Variants in ADGRG6 observed in about 807,000 individuals in gnomAD.
ADGRG6 encodes G-protein coupled receptor 126.
Under a neutral mutation model 142.4 loss-of-function variants are expected in ADGRG6, and 84 were observed. The ratio of observed to expected loss-of-function variants is 0.59; its 90% CI spans 0.49 to 0.71. The LOEUF is 0.71. Among genes scored for constraint, ADGRG6 ranks in the 30% least tolerant of loss-of-function variants. ADGRG6 has a pLI of 0.00. For synonymous variants in ADGRG6, 521 were observed against 520.5 expected (o/e 1.00, Z -0.01); for missense variants, 1,367 against 1,466.6 (o/e 0.93, Z 1.11).
chr6:142,334,604 G>C (rs940563200), intron 2 of ADGRG6, among the ~76,000 whole-genome samples: 2 of 152,152 alleles, frequency 1.3e-5, no homozygotes, highest in African/African-American at 4.8e-5. Flanking sequence ...AAAGTAATGA[G>C]CTTCCTGTCA....
At chr6:142,308,699 C>T (rs1180973196) in intron 1 of ADGRG6, among the ~76,000 whole-genome samples, 3 of 151,682 alleles carry the variant, frequency 2.0e-5, no homozygotes, top group African/African-American at 7.3e-5. Flanking sequence ...CTCACCAGTC[C>T]ACTTATGGTC....
intron 2 of ADGRG6, among the ~76,000 whole-genome samples, chr6:142,333,560 C>T (rs945517962): frequency 6.6e-5 from 10 of 152,092 alleles, no homozygotes; most frequent in African/African-American, 2.2e-4. Context: ...GTGTTGCCCA[C>T]GCTAGGCTTC....
rs1778210573 is a variant in ADGRG6, at chr6:142,317,923, TTATA to T, written c.103+8283_103+8286del. Among the ~76,000 whole-genome samples, 4 of 73,602 alleles carry T rather than the reference TTATA, an allele frequency of 5.4e-5. No homozygotes were observed. The South Asian group carries it at 1.3e-3, about 25-fold the overall frequency. The allele number at this position is 73,602 out of a possible 152,430, so 48.3% of individuals were successfully genotyped here. On this transcript the variant is annotated intron_variant, in intron 2 of 24. Transcript: ENST00000367609. Reference sequence around the variant, plus strand: ...TTTATATATATTATATATATTTATATTATATATTTATATATTATATATATTTATA... The same window carrying T: ...TTTATATATATTATATATATTTATATTATTTATATATTATATATATTTATA...
rs193157881 is a variant in ADGRG6 at position 142,420,384 on chromosome 6, A to T, written c.3319+280A>T. ...ATAAATGCATATTATTTCATGAATG[A>T]ATATGGAGCAAGGGAAGTATCTAGC... On this transcript the variant is annotated intron_variant, in intron 22 of 24. Transcript: ENST00000367609. Among the ~76,000 whole-genome samples the T allele has an allele frequency of 2.8e-3, 430 of 152,286 alleles. 1 individual carries two copies. Among genetic ancestry groups the T allele is most frequent in the Non-Finnish European group, 4.4e-3 (297 of 68,014 alleles).
intron 22 of ADGRG6, among the ~76,000 whole-genome samples, chr6:142,420,369 A>G (rs534221991): frequency 1.1e-3 from 172 of 152,272 alleles, no homozygotes; most frequent in Admixed American, 1.8e-3. Context: ...ATAAATGCAT[A>G]TTATTTCATG....
chr6:142,321,362 G>T (rs1778508679), intron 2 of ADGRG6, among the ~76,000 whole-genome samples: 1 of 150,696 alleles, frequency 6.6e-6, no homozygotes, highest in Non-Finnish European at 1.5e-5. Context: ...TTATCCAAAA[G>T]AAATGAAAAT....
At chr6:142,391,966 GT>G (rs1774919558) in intron 7 of ADGRG6, among the ~76,000 whole-genome samples, 1 of 151,640 alleles carries the variant, frequency 6.6e-6, no homozygotes, top group African/African-American at 2.4e-5. Context: ...TTCATGCATG[GT>G]TTTCAACATA....
intron 14 of ADGRG6, chr6:142,405,431 A>G (rs1230680886): frequency 3.5e-6 from 2 of 570,776 alleles, no homozygotes; most frequent in African/African-American, 1.8e-5. Flanking sequence ...TGACTGATTT[A>G]TAGATTTCTT....
At chr6:142,337,354 A>T (rs1779366113) in intron 2 of ADGRG6, among the ~76,000 whole-genome samples, 1 of 152,208 alleles carries the variant, frequency 6.6e-6, no homozygotes, top group Non-Finnish European at 1.5e-5. Flanking sequence ...GGAAGTTGTA[A>T]TGGAAACAAA....
At chr6:142,343,882 A>G (rs187443952) in intron 2 of ADGRG6, among the ~76,000 whole-genome samples, 45 of 152,048 alleles carry the variant, frequency 3.0e-4, no homozygotes, top group African/African-American at 8.4e-4. Flanking sequence ...CTGGATTGAA[A>G]CATTAAGACT....
intron 22 of ADGRG6, among the ~76,000 whole-genome samples, chr6:142,420,849 T>C (rs1776626407): frequency 1.3e-5 from 2 of 152,190 alleles, no homozygotes; most frequent in Non-Finnish European, 2.9e-5. Context: ...TGGAATTCTT[T>C]AAGATTTTGA....
intron 18 of ADGRG6, among the ~76,000 whole-genome samples, chr6:142,413,937 A>ACACACACACACACACAC (rs1582653563): frequency 6.7e-6 from 1 of 149,250 alleles, no homozygotes. Flanking sequence ...ACACACACAC[A>ACACACACACACACACAC]ACTTAAGGCC....
At chr6:142,319,440 C>G (rs975666147) in intron 2 of ADGRG6, among the ~76,000 whole-genome samples, 1 of 152,132 alleles carries the variant, frequency 6.6e-6, no homozygotes, top group Non-Finnish European at 1.5e-5. Context: ...AATGAGATGA[C>G]TAATGATTTA....
chr6:142,425,909 T>G (rs548990824), intron 22 of ADGRG6, among the ~76,000 whole-genome samples: 3 of 152,262 alleles, frequency 2.0e-5, no homozygotes, highest in Admixed American at 2.0e-4. Flanking sequence ...TTTAAACGCA[T>G]TAGATCTTGT....
chr6:142,401,350 A>G (rs973429724), intron 11 of ADGRG6, among the ~76,000 whole-genome samples: 5 of 152,204 alleles, frequency 3.3e-5, no homozygotes, highest in Non-Finnish European at 7.3e-5. Flanking sequence ...AATCTTCTAT[A>G]AGATGTGAAT....
At chr6:142,410,340 G>A (rs1776017896) in intron 17 of ADGRG6, among the ~76,000 whole-genome samples, 1 of 152,078 alleles carries the variant, frequency 6.6e-6, no homozygotes, top group East Asian at 1.9e-4. Flanking sequence ...TATGAGGGAG[G>A]TGAGAAGCTG....
chr6:142,357,757 C>T (rs1237874718), intron 2 of ADGRG6, among the ~76,000 whole-genome samples: 1 of 152,182 alleles, frequency 6.6e-6, no homozygotes. Context: ...ATTTCAGGTC[C>T]TTCACCTGCA....
chr6:142,318,369 ATATAT>A (rs1356809700), intron 2 of ADGRG6, among the ~76,000 whole-genome samples: 21 of 100,264 alleles, frequency 2.1e-4, no homozygotes, highest in African/African-American at 6.9e-4. Context: ...TAATATTTAT[ATATAT>A]TTATATATTT....
At position 142,333,723 on chromosome 6, in the gene ADGRG6, A is replaced by G. The variant is rs151336165; in HGVS notation, c.103+24079A>G. The stretch of plus-strand genomic sequence containing the variant: ...TTAGGGTTCTTATCTTTTCAAGATG[A>G]GATCAATAATACCTACTTCACACTC... On this transcript the variant is annotated intron_variant, in intron 2 of 24. Transcript: ENST00000367609. Among the ~76,000 whole-genome samples, 733 of 152,294 alleles carry G rather than the reference A, an allele frequency of 4.8e-3. 9 individuals carry two copies. Among genetic ancestry groups the G allele is most frequent in the African/African-American group, 0.017 (695 of 41,550 alleles).
Sources: gnomAD v4.1 joint callset for allele counts (sites outside exome capture counted in the v4.1 genomes callset) on GRCh38, gnomAD v4.1.1 for gene constraint, MANE v1.5 for transcripts, NCBI Gene and HGNC (gene_info 2026-07-23, HGNC 2026-07-21) for gene names.